The following STX3 variants were observed in gnomAD, a reference collection of about 807,000 sequenced individuals.
STX3 encodes the protein syntaxin-3.
A neutral mutation model predicts 40.2 loss-of-function variants in STX3; 19 were observed. That is an observed-to-expected ratio of 0.47 (90% CI 0.33 to 0.69). STX3 has a LOEUF of 0.69. STX3 is among the 30% of genes least tolerant of loss of function. STX3 has a pLI of 0.02. For synonymous variants in STX3, 122 were observed against 132.2 expected (o/e 0.92, Z 0.53); for missense variants, 364 against 366.7 (o/e 0.99, Z 0.06).
Position 59,800,956 on chromosome 11 carries a change from C to T in STX3, c.*132C>T. The T allele has an allele frequency of 1.3e-6, 2 of 1,535,866 alleles. No homozygotes were observed. Among genetic ancestry groups the T allele is most frequent in the East Asian group, 2.4e-5 (1 of 40,894 alleles). ...GCGAGTGCGACCCGTTCCTTTGTTT[C>T]CTTGCAACCACCCTTGGACCTGACT... On this transcript the variant is annotated 3_prime_UTR_variant, in exon 11 of 11. Coordinates refer to ENST00000337979, the MANE Select transcript of STX3 (RefSeq NM_004177.5).
chr11:59,802,762 G>A lies in STX3; in HGVS notation c.*1938G>A, dbSNP rs75768611. 0.072 allele frequency: 70,547 copies of A among 985,800 alleles called. 3,561 individuals carry two copies. Among genetic ancestry groups the A allele is most frequent in the African/African-American group, 0.24 (13,728 of 57,296 alleles). 61.1% of individuals were successfully genotyped at this position (985,800 alleles called of 1,614,324 possible). ...CAATGATCTGGTGCCACCATGTGGT[G>A]ATTTTTATTCAGGTTTTAGAATGCA... On this transcript the variant is annotated 3_prime_UTR_variant, in exon 11 of 11. Transcript: ENST00000337979.
At position 59,762,558 on chromosome 11, in the gene STX3, G is replaced by C. The variant is rs902275056; in HGVS notation, c.30+6923G>C. 3.9e-5 allele frequency among the ~76,000 whole-genome samples: 6 copies of C among 152,330 alleles called. No individual in the cohort carries two copies. The South Asian group carries it at 8.3e-4, about 21-fold the overall frequency. ...AGTATTCTAGAATGACCATGAGGGAGAGGAAGCTTGTGGGACAGAGGCTGA... is the reference window on the plus strand; with the variant it reads ...AGTATTCTAGAATGACCATGAGGGACAGGAAGCTTGTGGGACAGAGGCTGA... On this transcript the variant is annotated intron_variant, in intron 1 of 10. Transcript: ENST00000337979.
intron 1 of STX3, among the ~76,000 whole-genome samples, chr11:59,765,194 T>C (rs1565163550): frequency 6.6e-6 from 1 of 152,152 alleles, no homozygotes; most frequent in Non-Finnish European, 1.5e-5. Flanking sequence ...AGGGGAAGTG[T>C]GCCCTCTGGG....
At position 59,758,406 on chromosome 11, in the gene STX3, G is replaced by A. The variant is rs1862848115; in HGVS notation, c.30+2771G>A. 2.0e-5 allele frequency among the ~76,000 whole-genome samples: 3 copies of A among 152,210 alleles called. No homozygotes were observed. The South Asian group carries it at 6.2e-4, about 31-fold the overall frequency. On this transcript the variant is annotated intron_variant, in intron 1 of 10. Transcript: ENST00000337979. ...GTCCTGAGGCTTTGAAGTCTACAGGGACTGAGGCCTCAAGAGTTGCCCCTG... is the reference window on the plus strand; with the variant it reads ...GTCCTGAGGCTTTGAAGTCTACAGGAACTGAGGCCTCAAGAGTTGCCCCTG...
intron 1 of STX3, among the ~76,000 whole-genome samples, chr11:59,771,772 G>A (rs1463457348): frequency 1.3e-5 from 2 of 152,214 alleles, no homozygotes; most frequent in African/African-American, 2.4e-5. Flanking sequence ...AGGGCCCCAC[G>A]TGCTCTGTTA....
intron 10 of STX3, among the ~76,000 whole-genome samples, chr11:59,798,486 C>T (rs542373496): frequency 3.9e-5 from 6 of 152,220 alleles, no homozygotes; most frequent in Admixed American, 1.3e-4. Flanking sequence ...TGAGCCACTG[C>T]GCCCGGCCTG....
chr11:59,768,961 G>C (rs1025676080), intron 1 of STX3, among the ~76,000 whole-genome samples: 15 of 152,290 alleles, frequency 9.8e-5, no homozygotes, highest in South Asian at 8.3e-4. Flanking sequence ...TTGCATAGTA[G>C]TGAGGTCTGG....
chr11:59,795,413 A>G lies in STX3; in HGVS notation c.717A>G (p.Thr239=). The G allele has an allele frequency of 6.2e-7, 1 of 1,613,746 alleles. No homozygotes were observed. Among genetic ancestry groups the G allele is most frequent in the Non-Finnish European group, 8.5e-7 (1 of 1,179,908 alleles). ...ACATAGAGTTGAATGTCATGCACAC[A>G]GTGGACCACGTGGAGAAGGCACGAG... The part of the protein sequence containing the change: ...LDNIELNVMH[T]VDHVEKARDE... Residue 239 remains threonine, a synonymous_variant, in exon 9 of 11, where the codon ACA becomes ACG. Coordinates refer to ENST00000337979, the MANE Select transcript of STX3 (RefSeq NM_004177.5).
intron 1 of STX3, among the ~76,000 whole-genome samples, chr11:59,756,701 A>G (rs951542506): frequency 1.3e-5 from 2 of 152,226 alleles, no homozygotes; most frequent in African/African-American, 4.8e-5. Flanking sequence ...TCCTGGCTCC[A>G]CTGCTTACTG....
chr11:59,790,732 T>C (rs1865089795), intron 5 of STX3, 146 bp downstream of exon 5: 4 of 660,874 alleles, frequency 6.1e-6, no homozygotes, highest in South Asian at 3.8e-5. Context: ...CAGGTTGAAA[T>C]AGGGGTCAGG....
intron 1 of STX3, among the ~76,000 whole-genome samples, chr11:59,756,467 C>G (rs1435730583): frequency 6.6e-6 from 1 of 152,182 alleles, no homozygotes; most frequent in African/African-American, 2.4e-5. Context: ...AGTGCTAAGC[C>G]TTGGAGATTC....
intron 1 of STX3, among the ~76,000 whole-genome samples, chr11:59,757,908 C>A (rs936861897): frequency 2.0e-5 from 3 of 152,212 alleles, no homozygotes; most frequent in Non-Finnish European, 4.4e-5. Flanking sequence ...CAGCCAGACT[C>A]CCAGGGATCA....
intron 3 of STX3, among the ~76,000 whole-genome samples, chr11:59,788,166 CT>C (rs1456782793): frequency 6.6e-6 from 1 of 152,202 alleles, no homozygotes; most frequent in Non-Finnish European, 1.5e-5. Flanking sequence ...AGACTCAGTC[CT>C]GCTCATCTCC....
rs1176637626 is a variant in STX3 at position 59,804,542 on chromosome 11, T to C, written c.*3718T>C. On this transcript the variant is annotated 3_prime_UTR_variant, in exon 11 of 11. Coordinates refer to ENST00000337979, the MANE Select transcript of STX3 (RefSeq NM_004177.5). ...CTGTCAGAGGCTGTGTAAAGCCGCT[T>C]GGGAATGGGCTGATCTGCTTATGCA... is the stretch of plus-strand genomic sequence containing the variant. 6.6e-6 allele frequency: 1 copy of C among 152,200 alleles called. No homozygotes were observed. Among genetic ancestry groups the C allele is most frequent in the East Asian group, 1.9e-4 (1 of 5,190 alleles). The allele number at this position is 152,200 out of a possible 1,614,324, so 9.4% of individuals were successfully genotyped here. A position where few individuals can be genotyped will look rare whatever the true frequency, so the allele number is the denominator to read the frequency against.
Position 59,802,205 on chromosome 11 carries a change from GTTCT to G in STX3, c.*1384_*1387del. On this transcript the variant is annotated 3_prime_UTR_variant, in exon 11 of 11. Coordinates refer to ENST00000337979, the MANE Select transcript of STX3 (RefSeq NM_004177.5). ...GCTACTCGGTTAATGAGCTTGGCAG[GTTCT>G]TTGTCTCACTGAATTCTTATCATGG... The G allele has an allele frequency of 1.0e-6, 1 of 985,442 alleles. No homozygotes were observed. The highest frequency in any genetic ancestry group is 6.1e-5 in the Admixed American group (1 of 16,284). The allele number at this position is 985,442 out of a possible 1,614,324, so 61.0% of individuals were successfully genotyped here.
upstream of STX3, chr11:59,754,709 G>C (rs1213033563): frequency 6.6e-6 from 1 of 152,136 alleles, no homozygotes; most frequent in African/African-American, 2.4e-5. Context: ...TTACAGACAC[G>C]GGAACGGGGT....
chr11:59,801,817 G>C lies in STX3; in HGVS notation c.*993G>C. On this transcript the variant is annotated 3_prime_UTR_variant, in exon 11 of 11. Coordinates refer to ENST00000337979, the MANE Select transcript of STX3 (RefSeq NM_004177.5). ...AGGAAATAAAAATGGAAGCTATTAT[G>C]ACCTCAAAAAAAAAAAGCCAACTTT... 3 of 984,602 alleles carry C rather than the reference G, an allele frequency of 3.0e-6. No individual in the cohort carries two copies. Among genetic ancestry groups the C allele is most frequent in the Non-Finnish European group, 3.6e-6 (3 of 829,680 alleles). The allele number at this position is 984,602 out of a possible 1,614,324, so 61.0% of individuals were successfully genotyped here. A position where few individuals can be genotyped will look rare whatever the true frequency, so the allele number is the denominator to read the frequency against.
chr11:59,763,440 G>T (rs1000610697), intron 1 of STX3, among the ~76,000 whole-genome samples: 1 of 152,168 alleles, frequency 6.6e-6, no homozygotes, highest in Non-Finnish European at 1.5e-5. Flanking sequence ...AGGTAGGATG[G>T]CATGTGAGGA....
intron 2 of STX3, among the ~76,000 whole-genome samples, chr11:59,779,586 A>T (rs1026502159): frequency 5.9e-5 from 9 of 152,242 alleles, no homozygotes; most frequent in African/African-American, 2.2e-4. Flanking sequence ...TGTCTCCTGC[A>T]GTTACTTATA....
Sources: gnomAD v4.1 joint callset for allele counts (sites outside exome capture counted in the v4.1 genomes callset) on GRCh38, gnomAD v4.1.1 for gene constraint, MANE v1.5 for transcripts, NCBI Gene and HGNC (gene_info 2026-07-23, HGNC 2026-07-21) for gene names.